Variants in HTR3A observed in about 807,000 individuals in gnomAD.
HTR3A encodes 5-hydroxytryptamine receptor 3A.
In HTR3A, 45 loss-of-function variants were observed where a neutral mutation model predicts 54.8. That is an observed-to-expected ratio of 0.82 (90% confidence interval 0.65 to 1.05). HTR3A has a LOEUF of 1.05. Among genes scored for constraint, HTR3A ranks in the 50% least tolerant of loss-of-function variants. The pLI is 0.00. For missense variants in HTR3A, 657 were observed against 614.0 expected (o/e 1.07, Z -0.74); for synonymous variants, 297 against 256.0 (o/e 1.16, Z -1.53).
chr11:113,989,531 G>A lies in HTR3A; in HGVS notation c.1205G>A (p.Cys402Tyr). The A allele has an allele frequency of 6.2e-7, 1 of 1,614,132 alleles. No individual in the cohort carries two copies. The highest frequency in any genetic ancestry group is 8.5e-7 in the Non-Finnish European group (1 of 1,180,034). The change falls in exon 9 of 9, where the codon TGT becomes TAT. Residue 402 changes from cysteine to tyrosine, a missense_variant. Coordinates refer to ENST00000504030, the MANE Select transcript of HTR3A (RefSeq NM_000869.6). This position sits in a 1 kb window ranked among gnomAD's most constrained non-coding sequence, Gnocchi z 4.4. Reference sequence around the variant, plus strand: ...TTCGAGAAGAGCCCGAGGGACAGATGTAGCCCTCCCCCACCACCTCGGGAG... The same window carrying A: ...TTCGAGAAGAGCCCGAGGGACAGATATAGCCCTCCCCCACCACCTCGGGAG... ...QDFEKSPRDR[C>Y]SPPPPPREAS...
At chr11:113,982,967 TG>T (rs1950438591) in intron 4 of HTR3A, among the ~76,000 whole-genome samples, 152 bp from the exon 5 acceptor site, 1 of 152,122 alleles carries the variant, frequency 6.6e-6, no homozygotes, top group African/African-American at 2.4e-5. Flanking sequence ...ATAGGAAGGT[TG>T]GAAAAACCGA....
intron 3 of HTR3A, among the ~76,000 whole-genome samples, chr11:113,980,837 G>A (rs146568803): frequency 5.9e-4 from 90 of 152,316 alleles, no homozygotes; most frequent in African/African-American, 1.8e-3. Flanking sequence ...TAACAAGAGC[G>A]GTCTCCACCC....
chr11:113,988,965 A>G (rs894969597), intron 8 of HTR3A, among the ~76,000 whole-genome samples: 1 of 152,190 alleles, frequency 6.6e-6, no homozygotes, highest in Non-Finnish European at 1.5e-5. Flanking sequence ...GAATGTGTGT[A>G]AGGAGGGGTA....
At position 113,981,262 on chromosome 11, in the gene HTR3A, G is replaced by C. The variant is rs1247916361; in HGVS notation, c.324G>C (p.Leu108Phe). The C allele has an allele frequency of 1.2e-6, 2 of 1,613,890 alleles. No individual in the cohort carries two copies. The highest frequency in any genetic ancestry group is 1.7e-6 in the Non-Finnish European group (2 of 1,179,880). The stretch of plus-strand genomic sequence containing the variant: ...AGGACTTTGACAACATCACCAAGTT[G>C]TCCATCCCCACGGACAGCATCTGGG... Reference protein sequence around the residue: ...NPEDFDNITKLSIPTDSIWVP... With the variant: ...NPEDFDNITKFSIPTDSIWVP... The change falls in exon 4 of 9, where the codon TTG becomes TTC. Residue 108 changes from leucine (L) to phenylalanine (F), a missense_variant. Coordinates refer to ENST00000504030, the MANE Select transcript of HTR3A (RefSeq NM_000869.6).
chr11:113,983,077 C>T, intron 4 of HTR3A, 43 bp from the exon 5 acceptor site: 1 of 1,612,744 alleles, frequency 6.2e-7, no homozygotes, highest in Admixed American at 1.7e-5. Flanking sequence ...CAGAGCTTGC[C>T]CTGTCTCTTG....
Position 113,989,726 on chromosome 11 carries a change from C to A in HTR3A, c.1400C>A (p.Thr467Asn). 1.2e-6 allele frequency: 2 copies of A among 1,613,192 alleles called. No individual in the cohort carries two copies. The highest frequency in any genetic ancestry group is 1.7e-6 in the Non-Finnish European group (2 of 1,180,026). ...CTAGCGGTGCTGGCCTACAGCATCA[C>A]CCTGGTTATGCTCTGGTCCATCTGG... ...YLLAVLAYSI[T>N]LVMLWSIWQY... Residue 467 changes from threonine to asparagine, a missense_variant, in exon 9 of 9, where the codon ACC becomes AAC. Physicochemically the swap from Thr to Asn is moderately conservative, Grantham distance 65. Coordinates refer to ENST00000504030, the MANE Select transcript of HTR3A (RefSeq NM_000869.6). The surrounding 1 kb of genome is among the most constrained non-coding windows in gnomAD (Gnocchi z 4.4).
chr11:113,981,461 C>T, intron 4 of HTR3A, 149 bp downstream of exon 4: 1 of 693,336 alleles, frequency 1.4e-6, no homozygotes. Flanking sequence ...TCCAAATTCC[C>T]TTTGTCTTCC....
rs780444840 is a variant in HTR3A at position 113,983,139 on chromosome 11, C to G, written c.394C>G (p.Pro132Ala). The G allele has an allele frequency of 3.1e-6, 5 of 1,614,232 alleles. No homozygotes were observed. In the South Asian group the frequency reaches 5.5e-5, roughly 18 times the overall value. ...CGCCAGCGTGGATGTGGGGAAGTCT[C>G]CAAATATCCCGTACGTGTATATTCG... The part of the protein sequence containing the change: ...INEFVDVGKS[P>A]NIPYVYIRHQ... Residue 132 changes from proline to alanine, a missense_variant, in exon 5 of 9, where the codon CCA becomes GCA. Transcript: ENST00000504030.
intron 3 of HTR3A, 116 bp downstream of exon 3, chr11:113,979,393 C>CTGGAT: frequency 1.3e-6 from 1 of 784,548 alleles, no homozygotes; most frequent in Non-Finnish European, 2.2e-6. Flanking sequence ...TGAGGGGCAC[C>CTGGAT]CTCAGCCTGA....
intron 8 of HTR3A, among the ~76,000 whole-genome samples, chr11:113,988,197 G>C (rs1456271786): frequency 6.6e-6 from 1 of 152,224 alleles, no homozygotes; most frequent in African/African-American, 2.4e-5. Context: ...TCAAGAGCTA[G>C]TGAACTAGTC....
intron 8 of HTR3A, among the ~76,000 whole-genome samples, chr11:113,987,670 C>T (rs1222019281): frequency 1.3e-5 from 2 of 152,090 alleles, no homozygotes; most frequent in Non-Finnish European, 2.9e-5. Context: ...GAGGTTGAGG[C>T]TGCAGGGAGC....
At chr11:113,982,039 G>A (rs919351695) in intron 4 of HTR3A, among the ~76,000 whole-genome samples, 5 of 152,040 alleles carry the variant, frequency 3.3e-5, no homozygotes, top group East Asian at 3.9e-4. Context: ...GGAGCTGGGG[G>A]ACATGTTCAG....
intron 2 of HTR3A, 87 bp downstream of exon 2, chr11:113,978,009 G>T: frequency 5.3e-6 from 8 of 1,508,770 alleles, no homozygotes; most frequent in Non-Finnish European, 7.4e-6. Flanking sequence ...TATGCAGCTT[G>T]TTAGGCATTT....
At position 113,977,931 on chromosome 11, in the gene HTR3A, C is replaced by T. The variant is rs1162928576; in HGVS notation, c.219+9C>T. On this transcript the variant is annotated intron_variant, in intron 2 of 8. Transcript: ENST00000504030. ...ATGCCATCCTCAACGTGGTGAGGCT[C>T]AGCCCCGAGCTGCACACAGGCAGAC... 5.0e-6 allele frequency: 8 copies of T among 1,614,186 alleles called. No homozygotes were observed. The highest frequency in any genetic ancestry group is 6.8e-6 in the Non-Finnish European group (8 of 1,180,012).
chr11:113,988,420 A>G (rs1197193703), intron 8 of HTR3A, among the ~76,000 whole-genome samples: 2 of 152,206 alleles, frequency 1.3e-5, no homozygotes, highest in Non-Finnish European at 2.9e-5. Flanking sequence ...CAAGTATGTG[A>G]CCACAGGCTA....
rs757759935 is a variant in HTR3A at position 113,983,306 on chromosome 11, C to T, written c.544+17C>T. ...TGCACACCAGTGAGTATGTGGGCTT[C>T]GCCGGGACAGGGGTGGAGGTTGGGG... On this transcript the variant is annotated intron_variant, in intron 5 of 8. Coordinates refer to ENST00000504030, the MANE Select transcript of HTR3A (RefSeq NM_000869.6). 3.3e-5 allele frequency: 53 copies of T among 1,613,158 alleles called. No individual in the cohort carries two copies. The East Asian group carries it at 3.6e-4, about 11-fold the overall frequency.
Position 113,987,150 on chromosome 11 carries a change from A to G in HTR3A, c.1138+104A>G. On this transcript the variant is annotated intron_variant, in intron 8 of 8. Coordinates refer to ENST00000504030, the MANE Select transcript of HTR3A (RefSeq NM_000869.6). Reference sequence around the variant, plus strand: ...GCCTGCCAAGGAGGTGCTGTACTGCACATGGCATCCCATGCCCTGCCTTAC... The same window carrying G: ...GCCTGCCAAGGAGGTGCTGTACTGCGCATGGCATCCCATGCCCTGCCTTAC... 3.3e-6 allele frequency: 4 copies of G among 1,219,950 alleles called. No homozygotes were observed. The South Asian group carries it at 5.0e-5, about 15-fold the overall frequency. 75.6% of individuals were successfully genotyped at this position (1,219,950 alleles called of 1,614,324 possible).
At position 113,983,360 on chromosome 11, in the gene HTR3A, C is replaced by A. The variant is rs886245947; in HGVS notation, c.544+71C>A. 11 of 1,545,638 alleles carry A rather than the reference C, an allele frequency of 7.1e-6. No individual in the cohort carries two copies. In the Admixed American group the frequency reaches 1.5e-4, roughly 21 times the overall value. On this transcript the variant is annotated intron_variant, in intron 5 of 8. Transcript: ENST00000504030. The stretch of plus-strand genomic sequence containing the variant: ...CCCAGGGACACCTGAGCGAGGAGTG[C>A]TCCCCAGGGCGCCTTCTCACGTATC...
chr11:113,983,650 G>A (rs1275990030), intron 5 of HTR3A, among the ~76,000 whole-genome samples: 1 of 152,046 alleles, frequency 6.6e-6, no homozygotes, highest in Non-Finnish European at 1.5e-5. Context: ...ATTCAATGAG[G>A]GTGTGAACTG....
Sources: allele counts gnomAD v4.1 joint callset (sites outside exome capture counted in the v4.1 genomes callset), GRCh38; gene constraint gnomAD v4.1.1; non-coding constraint Gnocchi (gnomAD v3.1); transcripts MANE v1.5; gene names NCBI Gene and HGNC (gene_info 2026-07-23, HGNC 2026-07-21).